PAX2: variants seen among roughly 807,000 people sequenced by gnomAD.
PAX2 encodes paired box protein Pax-2.
Under a neutral mutation model 41.7 loss-of-function variants are expected in PAX2, and 9 were observed. The observed-to-expected ratio is 0.22, with a 90% CI of 0.13 to 0.38. The LOEUF (loss-of-function observed/expected upper bound fraction) is 0.38, where lower values mean the gene tolerates loss of function less well. Among genes scored for constraint, PAX2 ranks in the 10% least tolerant of loss-of-function variants. The probability of loss-of-function intolerance (pLI) is 1.00; values close to 1 mark genes in which losing one functional copy is unlikely to be tolerated. For synonymous variants in PAX2, 221 were observed against 212.7 expected (o/e 1.04, Z -0.34); for missense variants, 418 against 531.6 (o/e 0.79, Z 2.10).
intron 3 of PAX2, among the ~76,000 whole-genome samples, chr10:100,754,229 C>T (rs938926203): frequency 3.3e-5 from 5 of 152,200 alleles, no homozygotes; most frequent in African/African-American, 1.2e-4. Context: ...ATGCCAAAAT[C>T]TTCTGGTTTG....
intron 7 of PAX2, among the ~76,000 whole-genome samples, chr10:100,811,680 G>C (rs551973350): frequency 6.6e-6 from 1 of 152,334 alleles, no homozygotes; most frequent in African/African-American, 2.4e-5. Flanking sequence ...AAATATTAAG[G>C]GCTTTGGTGG....
intron 3 of PAX2, among the ~76,000 whole-genome samples, chr10:100,755,927 A>G (rs1845610311): frequency 6.6e-6 from 1 of 152,160 alleles, no homozygotes; most frequent in Admixed American, 6.5e-5. Flanking sequence ...GGAGAGCAAT[A>G]GCTTCATATG....
At chr10:100,766,117 C>T (rs1162757004) in intron 3 of PAX2, among the ~76,000 whole-genome samples, 1 of 152,208 alleles carries the variant, frequency 6.6e-6, no homozygotes, top group Non-Finnish European at 1.5e-5. Flanking sequence ...GACTAAGTAG[C>T]AGAAGTAGGA....
At chr10:100,804,496 G>A (rs1283832764) in intron 5 of PAX2, among the ~76,000 whole-genome samples, 1 of 152,172 alleles carries the variant, frequency 6.6e-6, no homozygotes, top group African/African-American at 2.4e-5. Flanking sequence ...CCAAAAGGTA[G>A]GAGGGCTCCA....
At chr10:100,810,164 G>A (rs543917902) in intron 7 of PAX2, among the ~76,000 whole-genome samples, 6 of 152,204 alleles carry the variant, frequency 3.9e-5, no homozygotes, top group East Asian at 1.9e-4. Context: ...CGAGGCAAGC[G>A]GAGGTGGCCT....
chr10:100,763,736 CA>C (rs796819707), intron 3 of PAX2, among the ~76,000 whole-genome samples: 21 of 152,324 alleles, frequency 1.4e-4, no homozygotes, highest in African/African-American at 4.8e-4. Flanking sequence ...CATTCAGAAG[CA>C]AGTAGGTGCT....
Position 100,748,275 on chromosome 10 carries a change from C to T in PAX2, c.44-1471C>T, listed in dbSNP as rs1181476451. 3 of 982,964 alleles carry T rather than the reference C, an allele frequency of 3.1e-6. No individual in the cohort carries two copies. The highest frequency in any genetic ancestry group is 4.7e-5 in the South Asian group (1 of 21,140). The allele number at this position is 982,964 out of a possible 1,614,324, so 60.9% of individuals were successfully genotyped here. ...TCCCGGGGCCTAAATTATTGATGGTCGGGGTTTGGAGGGAGGGGAGGGTGA... is the reference window on the plus strand; with the variant it reads ...TCCCGGGGCCTAAATTATTGATGGTTGGGGTTTGGAGGGAGGGGAGGGTGA... On this transcript the variant is annotated intron_variant, in intron 1 of 9. Coordinates refer to ENST00000355243, the MANE Select transcript of PAX2 (RefSeq NM_000278.5). The surrounding 1 kb of genome is among the most constrained non-coding windows in gnomAD (Gnocchi z 5.0).
chr10:100,741,234 A>T (rs1844940191), upstream of PAX2, among the ~76,000 whole-genome samples: 4 of 152,098 alleles, frequency 2.6e-5, no homozygotes, highest in South Asian at 8.3e-4. Flanking sequence ...AGGGAGCCCA[A>T]ATATTGGGAA....
chr10:100,801,809 GA>G (rs767897516), intron 5 of PAX2, among the ~76,000 whole-genome samples: 6 of 152,240 alleles, frequency 3.9e-5, no homozygotes, highest in Non-Finnish European at 8.8e-5. Flanking sequence ...GCTGCAGAGT[GA>G]AATGATTTAG....
chr10:100,777,843 T>C (rs1473705572), intron 3 of PAX2, among the ~76,000 whole-genome samples: 3 of 152,240 alleles, frequency 2.0e-5, no homozygotes, highest in Non-Finnish European at 2.9e-5. Context: ...TATTGGCACA[T>C]AGTAGATGTT....
At chr10:100,785,911 T>A (rs1846834310) in intron 5 of PAX2, among the ~76,000 whole-genome samples, 1 of 152,184 alleles carries the variant, frequency 6.6e-6, no homozygotes, top group African/African-American at 2.4e-5. Flanking sequence ...CTAACCTTCA[T>A]CAGCTCAATC....
chr10:100,820,397 C>G (rs542885614), intron 7 of PAX2, among the ~76,000 whole-genome samples: 15 of 152,294 alleles, frequency 9.8e-5, no homozygotes, highest in Admixed American at 4.6e-4. Flanking sequence ...GTTACCTCAT[C>G]ATCTGGAAGG....
chr10:100,776,836 A>G (rs1396789785), intron 3 of PAX2, among the ~76,000 whole-genome samples: 2 of 152,200 alleles, frequency 1.3e-5, no homozygotes, highest in Non-Finnish European at 2.9e-5. Context: ...TTGGTTGCCA[A>G]ACTCTGACCA....
chr10:100,786,419 G>T (rs1399751378), intron 5 of PAX2, among the ~76,000 whole-genome samples: 1 of 152,174 alleles, frequency 6.6e-6, no homozygotes, highest in African/African-American at 2.4e-5. Flanking sequence ...GGACATTACT[G>T]CTCCCACATG....
At chr10:100,794,249 G>A (rs1264784027) in intron 5 of PAX2, among the ~76,000 whole-genome samples, 1 of 152,214 alleles carries the variant, frequency 6.6e-6, no homozygotes, top group Admixed American at 6.5e-5. Context: ...CAAGTCATGC[G>A]GGTTGAGGGA....
rs1242698526 is a variant in PAX2 at position 100,748,539 on chromosome 10, C to CG, written c.44-1206dup. 3.0e-6 allele frequency: 3 copies of CG among 985,262 alleles called. No individual in the cohort carries two copies. The African/African-American group carries it at 5.2e-5, about 17-fold the overall frequency. The allele number at this position is 985,262 out of a possible 1,614,324, so 61.0% of individuals were successfully genotyped here. ...TGCAGCTTGCCAGTCCGGGCCGACCCGACTCGGCCGCTAGAAGTCTCTGCG... is the reference window on the plus strand; with the variant it reads ...TGCAGCTTGCCAGTCCGGGCCGACCCGGACTCGGCCGCTAGAAGTCTCTGCG... On this transcript the variant is annotated intron_variant, in intron 1 of 9. Coordinates refer to ENST00000355243, the MANE Select transcript of PAX2 (RefSeq NM_000278.5). This position sits in a 1 kb window ranked among gnomAD's most constrained non-coding sequence, Gnocchi z 5.0.
chr10:100,782,410 G>A (rs1846669482), intron 5 of PAX2, among the ~76,000 whole-genome samples: 1 of 152,238 alleles, frequency 6.6e-6, no homozygotes, highest in Admixed American at 6.5e-5. Flanking sequence ...AATAAATTAT[G>A]TGGTCATTCC....
chr10:100,742,352 TG>T (rs71013466), upstream of PAX2, among the ~76,000 whole-genome samples: 120,620 of 151,240 alleles, frequency 0.8, 48,317 homozygotes, highest in East Asian at 1. Context: ...ACACTCGAGG[TG>T]CGGGGTGCCT....
At chr10:100,783,615 C>A (rs966210313) in intron 5 of PAX2, among the ~76,000 whole-genome samples, 1 of 151,128 alleles carries the variant, frequency 6.6e-6, no homozygotes. Context: ...CAGGTTAGGG[C>A]CACAGGATAG....
Sources: allele counts gnomAD v4.1 joint callset (sites outside exome capture counted in the v4.1 genomes callset), GRCh38; gene constraint gnomAD v4.1.1; non-coding constraint Gnocchi (gnomAD v3.1); transcripts MANE v1.5; gene names NCBI Gene and HGNC (gene_info 2026-07-23, HGNC 2026-07-21).